Variants in TBXAS1 observed in about 807,000 individuals in gnomAD.
TBXAS1 encodes the protein thromboxane-A synthase.
In TBXAS1, 48 loss-of-function variants were observed where a neutral mutation model predicts 60.7. That is an observed-to-expected ratio of 0.79 (90% CI 0.63 to 1.01). TBXAS1 has a LOEUF of 1.01. Among genes scored for constraint, TBXAS1 ranks in the 50% least tolerant of loss-of-function variants. TBXAS1 has a pLI of 0.00. For synonymous variants in TBXAS1, 287 were observed against 269.7 expected (o/e 1.06, Z -0.63); for missense variants, 685 against 686.3 (o/e 1.00, Z 0.02).
intron 3 of TBXAS1, among the ~76,000 whole-genome samples, chr7:139,887,920 TCAC>T (rs1569508176): frequency 6.6e-6 from 1 of 152,216 alleles, no homozygotes; most frequent in Non-Finnish European, 1.5e-5. Flanking sequence ...TGTCCCCTTT[TCAC>T]CACGATTATG....
At chr7:139,935,989 T>A (rs1444084560) in intron 4 of TBXAS1, among the ~76,000 whole-genome samples, 1 of 152,232 alleles carries the variant, frequency 6.6e-6, no homozygotes, top group Non-Finnish European at 1.5e-5. Context: ...CTTGCCCATC[T>A]GCTCCCTCTG....
chr7:139,908,014 C>T (rs1355819279), intron 3 of TBXAS1, among the ~76,000 whole-genome samples: 1 of 151,944 alleles, frequency 6.6e-6, no homozygotes, highest in Non-Finnish European at 1.5e-5. Flanking sequence ...CCATTTCATT[C>T]CTGATGTTGG....
chr7:139,992,946 G>A (rs1383618678), intron 9 of TBXAS1, among the ~76,000 whole-genome samples: 1 of 152,144 alleles, frequency 6.6e-6, no homozygotes, highest in Non-Finnish European at 1.5e-5. Context: ...CGAGGTGGGT[G>A]GATTACCTGA....
chr7:139,890,682 T>G (rs935450404), intron 3 of TBXAS1, among the ~76,000 whole-genome samples: 1 of 152,228 alleles, frequency 6.6e-6, no homozygotes, highest in Non-Finnish European at 1.5e-5. Flanking sequence ...ATAGTTTACT[T>G]CACCATTGTG....
At chr7:139,881,747 A>G (rs1033517673) in intron 3 of TBXAS1, among the ~76,000 whole-genome samples, 2 of 152,312 alleles carry the variant, frequency 1.3e-5, no homozygotes, top group South Asian at 2.1e-4. Context: ...AAAAAAATCA[A>G]TTTAGCAAAT....
chr7:139,899,997 A>G (rs555422121), intron 3 of TBXAS1, among the ~76,000 whole-genome samples: 11 of 152,190 alleles, frequency 7.2e-5, no homozygotes, highest in Middle Eastern at 3.2e-3. Context: ...GTCCTCATCC[A>G]TTTTCTATGA....
chr7:139,894,757 A>G (rs971401868), intron 3 of TBXAS1, among the ~76,000 whole-genome samples: 1 of 152,028 alleles, frequency 6.6e-6, no homozygotes, highest in Non-Finnish European at 1.5e-5. Flanking sequence ...GTCAGAGGGG[A>G]TGGTTTCCCC....
chr7:139,898,729 A>G (rs1213299574), intron 3 of TBXAS1, among the ~76,000 whole-genome samples: 1 of 152,200 alleles, frequency 6.6e-6, no homozygotes, highest in African/African-American at 2.4e-5. Context: ...ACAAAGTGGC[A>G]GCAGCAGGGT....
At position 139,781,679 on chromosome 7, in the gene TBXAS1, A is replaced by C. The variant is rs138652112; in HGVS notation, c.-233+855A>C. Among the ~76,000 whole-genome samples the C allele has an allele frequency of 4.6e-3, 705 of 151,946 alleles. 7 individuals are homozygous for C. Among genetic ancestry groups the C allele is most frequent in the African/African-American group, 0.015 (629 of 41,446 alleles). On this transcript the variant is annotated intron_variant, in intron 2 of 16. Coordinates refer to the TBXAS1 transcript ENST00000336425. ...AAACTCCATCTCTACTAAAAACACAAAAAAAATTAGCCAGACGTGGCGGTG... is the reference window on the plus strand; with the variant it reads ...AAACTCCATCTCTACTAAAAACACACAAAAAATTAGCCAGACGTGGCGGTG...
chr7:139,913,239 T>C, intron 4 of TBXAS1: 1 of 671,728 alleles, frequency 1.5e-6, no homozygotes, highest in Admixed American at 2.1e-5. Flanking sequence ...CATTGCTATC[T>C]CCTCGCTCAA....
At chr7:140,015,922 C>T (rs1815007470) in intron 11 of TBXAS1, 62 bp downstream of exon 11, 2 of 1,608,562 alleles carry the variant, frequency 1.2e-6, no homozygotes, top group African/African-American at 1.3e-5. Context: ...AGAAATTTAC[C>T]AGTGGAGGCA....
At chr7:139,947,376 C>T (rs140624457) in intron 5 of TBXAS1, among the ~76,000 whole-genome samples, 3 of 151,876 alleles carry the variant, frequency 2.0e-5, no homozygotes, top group African/African-American at 2.4e-5. Context: ...AGAACACATG[C>T]GCATAAGGAG....
At chr7:139,889,412 C>T (rs1362061463) in intron 3 of TBXAS1, among the ~76,000 whole-genome samples, 3 of 152,092 alleles carry the variant, frequency 2.0e-5, no homozygotes, top group Non-Finnish European at 2.9e-5. Flanking sequence ...CTGAGGCTGA[C>T]TTCAAATGCT....
At chr7:139,866,869 A>T (rs977416410) in intron 1 of TBXAS1, among the ~76,000 whole-genome samples, 20 of 152,358 alleles carry the variant, frequency 1.3e-4, no homozygotes, top group Admixed American at 1.1e-3. Flanking sequence ...CAATATAAAG[A>T]GAGTAGGCTT....
At chr7:139,841,454 G>A (rs1799442678) in intron 1 of TBXAS1, among the ~76,000 whole-genome samples, 1 of 151,294 alleles carries the variant, frequency 6.6e-6, no homozygotes, top group Non-Finnish European at 1.5e-5. Context: ...GTGCCTCCAA[G>A]CATCTAGAGA....
At chr7:140,014,297 A>G (rs1210692108) in intron 10 of TBXAS1, among the ~76,000 whole-genome samples, 2 of 152,160 alleles carry the variant, frequency 1.3e-5, no homozygotes, top group Non-Finnish European at 1.5e-5. Context: ...TGGGAAACAG[A>G]AGGAGGAGAA....
intron 2 of TBXAS1, among the ~76,000 whole-genome samples, chr7:139,782,044 C>T (rs1797015667): frequency 6.6e-6 from 1 of 151,500 alleles, no homozygotes; most frequent in South Asian, 2.1e-4. Flanking sequence ...GAGATTGCTC[C>T]AAGCAGAGAG....
At chr7:140,018,789 T>C (rs575302029) in intron 12 of TBXAS1, among the ~76,000 whole-genome samples, 16 of 152,354 alleles carry the variant, frequency 1.1e-4, no homozygotes, top group Admixed American at 4.6e-4. Context: ...ATTGTTGGAC[T>C]TTCCAGCATC....
At chr7:139,872,107 A>T in intron 1 of TBXAS1, 128 bp from the exon 2 acceptor site, 1 of 930,388 alleles carries the variant, frequency 1.1e-6, no homozygotes, top group Admixed American at 2.0e-5. Context: ...TGGTTCTTAG[A>T]TGTGGTGACT....
Sources: allele counts gnomAD v4.1 joint callset (sites outside exome capture counted in the v4.1 genomes callset), GRCh38; gene constraint gnomAD v4.1.1; transcripts MANE v1.5; gene names NCBI Gene and HGNC (gene_info 2026-07-23, HGNC 2026-07-21).